Variants in NCAPD3 observed in about 807,000 individuals in gnomAD.
The protein encoded by NCAPD3 is condensin-2 complex subunit D3.
A neutral mutation model predicts 182.9 loss-of-function variants in NCAPD3; 105 were observed. That is an observed-to-expected ratio of 0.57 (90% CI 0.49 to 0.68). The LOEUF is 0.68. NCAPD3 is among the 30% of genes least tolerant of loss of function. The probability of loss-of-function intolerance (pLI) is 0.00; values close to 1 mark genes in which losing one functional copy is unlikely to be tolerated. For synonymous variants in NCAPD3, 815 were observed against 679.9 expected (o/e 1.20, Z -3.09); for missense variants, 1,944 against 1,837.0 (o/e 1.06, Z -1.07).
At chr11:134,224,002 T>C, upstream of NCAPD3, 8 of 1,538,944 alleles carry the variant, frequency 5.2e-6, no homozygotes, top group Non-Finnish European at 7.1e-6. Context: ...GAGTCGTTCC[T>C]GTGGACCAAT....
At chr11:134,154,501 G>A (rs1056795975) in intron 32 of NCAPD3, among the ~76,000 whole-genome samples, 2 of 121,002 alleles carry the variant, frequency 1.7e-5, no homozygotes, top group Non-Finnish European at 3.3e-5. Flanking sequence ...CGCCCCATCT[G>A]CCTACACATG....
rs998502328 is a variant in NCAPD3 at position 134,196,645 on chromosome 11, C to CAA, written c.1616-1909_1616-1908dup. On this transcript the variant is annotated intron_variant, in intron 13 of 34. Transcript: ENST00000534548. Reference sequence around the variant, plus strand: ...GGACAACAACAGCGAAACTCCATCTCAAAAAAAAAAAAAAAAAGAAAAGAA... The same window carrying CAA: ...GGACAACAACAGCGAAACTCCATCTCAAAAAAAAAAAAAAAAAAAGAAAAGAA... Among the ~76,000 whole-genome samples, 81 of 57,834 alleles carry CAA rather than the reference C, an allele frequency of 1.4e-3. 1 individual carries two copies. The highest frequency in any genetic ancestry group is 2.4e-3 in the African/African-American group (34 of 13,910). The allele number at this position is 57,834 out of a possible 152,430, so 37.9% of individuals were successfully genotyped here.
chr11:134,152,790 G>C lies in NCAPD3; in HGVS notation c.*154C>G. On this transcript the variant is annotated 3_prime_UTR_variant, in exon 35 of 35. Transcript: ENST00000534548. ...ACCAAATACATCATACAGAATAGAA[G>C]GTGAGTGCCAGGCCCCTGAGGAGGA... The C allele has an allele frequency of 1.6e-6, 1 of 614,446 alleles. No homozygotes were observed. The allele number at this position is 614,446 out of a possible 1,614,324, so 38.1% of individuals were successfully genotyped here.
chr11:134,163,754 C>T (rs1358982213), intron 27 of NCAPD3, among the ~76,000 whole-genome samples: 4 of 148,422 alleles, frequency 2.7e-5, no homozygotes, highest in African/African-American at 9.9e-5. Flanking sequence ...GGCCTGTAGT[C>T]CCAGCTACTC....
In NCAPD3 at chr11:134,184,771, C is replaced by T; in HGVS notation, c.2336-19G>A. On this transcript the variant is annotated intron_variant, in intron 18 of 34. Transcript: ENST00000534548. ...ACAGCATCTATGAAGGAAGTCAAAACCCCTGAAGTTCAACTGCTTAAATAT... is the reference window on the plus strand; with the variant it reads ...ACAGCATCTATGAAGGAAGTCAAAATCCCTGAAGTTCAACTGCTTAAATAT... 6.3e-7 allele frequency: 1 copy of T among 1,582,068 alleles called. No homozygotes were observed. Among genetic ancestry groups the T allele is most frequent in the Non-Finnish European group, 8.7e-7 (1 of 1,152,650 alleles).
chr11:134,193,600 A>G (rs184974284), intron 15 of NCAPD3, among the ~76,000 whole-genome samples: 3 of 152,302 alleles, frequency 2.0e-5, no homozygotes, highest in Admixed American at 2.0e-4. Context: ...TAAAAATACA[A>G]AAATTAGCCA....
chr11:134,215,693 TA>T (rs1301051728), intron 3 of NCAPD3, among the ~76,000 whole-genome samples: 1 of 152,230 alleles, frequency 6.6e-6, no homozygotes, highest in Non-Finnish European at 1.5e-5. Flanking sequence ...TTAGAAGACC[TA>T]ATGTTGTTAA....
chr11:134,211,665 A>G (rs1937836433), intron 3 of NCAPD3, among the ~76,000 whole-genome samples: 1 of 152,212 alleles, frequency 6.6e-6, no homozygotes, highest in South Asian at 2.1e-4. Flanking sequence ...TCAAGAATTA[A>G]AAGTAAAACA....
chr11:134,196,959 G>C (rs1249109540), intron 13 of NCAPD3, among the ~76,000 whole-genome samples: 2 of 152,160 alleles, frequency 1.3e-5, no homozygotes, highest in Non-Finnish European at 2.9e-5. Context: ...GTAACACCCA[G>C]TGCTGGAGGC....
chr11:134,160,943 TTTTG>T (rs1438060238), intron 28 of NCAPD3, among the ~76,000 whole-genome samples: 4 of 149,844 alleles, frequency 2.7e-5, no homozygotes, highest in East Asian at 1.9e-4. Context: ...AAAGCTCTGT[TTTTG>T]TTTTTTTTTT....
At chr11:134,222,353 T>A (rs1196884101) in intron 1 of NCAPD3, among the ~76,000 whole-genome samples, 1 of 152,232 alleles carries the variant, frequency 6.6e-6, no homozygotes, top group Non-Finnish European at 1.5e-5. Context: ...TAAAGATGAA[T>A]ACTAGAGGGT....
At chr11:134,213,244 G>T (rs1484832932) in intron 3 of NCAPD3, among the ~76,000 whole-genome samples, 1 of 152,170 alleles carries the variant, frequency 6.6e-6, no homozygotes, top group Admixed American at 6.5e-5. Context: ...TGGAGGCTGA[G>T]GAGCCCAGGA....
chr11:134,163,470 C>G (rs1263528271), intron 27 of NCAPD3, among the ~76,000 whole-genome samples: 1 of 151,862 alleles, frequency 6.6e-6, no homozygotes, highest in Non-Finnish European at 1.5e-5. Flanking sequence ...AAGGCCGAGG[C>G]GGGCAGATCA....
At chr11:134,219,329 G>A (rs943510377) in intron 2 of NCAPD3, among the ~76,000 whole-genome samples, 2 of 152,160 alleles carry the variant, frequency 1.3e-5, no homozygotes, top group Admixed American at 1.3e-4. Context: ...GTGGTTCGTA[G>A]AATATTTCCA....
At position 134,182,473 on chromosome 11, in the gene NCAPD3, T is replaced by C. The variant is rs547892370; in HGVS notation, c.2452-1289A>G. 4.6e-5 allele frequency among the ~76,000 whole-genome samples: 7 copies of C among 152,328 alleles called. No individual in the cohort carries two copies. The South Asian group carries it at 1.4e-3, about 32-fold the overall frequency. On this transcript the variant is annotated intron_variant, in intron 19 of 34. Coordinates refer to ENST00000534548, the MANE Select transcript of NCAPD3 (RefSeq NM_015261.3). The stretch of plus-strand genomic sequence containing the variant: ...TAGGCAGCCTACCGTCCCCAACCCT[T>C]CCCTTCTCCATGCTAAAGACTCCAG...
In NCAPD3 at chr11:134,164,411, G is replaced by A. The variant is rs75251976; in HGVS notation, c.3574-2520C>T. 1.6e-3 allele frequency among the ~76,000 whole-genome samples: 242 copies of A among 152,364 alleles called. 1 individual carries two copies. Among genetic ancestry groups the A allele is most frequent in the African/African-American group, 5.5e-3 (230 of 41,594 alleles). The stretch of plus-strand genomic sequence containing the variant: ...TCAGGCTCATGAGAAATGCTGGAGT[G>A]GGAAACAGGTTTGAGAATTGTCACC... On this transcript the variant is annotated intron_variant, in intron 27 of 34. Transcript: ENST00000534548.
In NCAPD3 at chr11:134,181,320, C is replaced by T. The variant is rs1944292059; in HGVS notation, c.2452-136G>A. ...GGTGCTTCCTAGCTTTCCTCTTTCCCACAATTTGTCCAAAACCACAATGAC... is the reference window on the plus strand; with the variant it reads ...GGTGCTTCCTAGCTTTCCTCTTTCCTACAATTTGTCCAAAACCACAATGAC... On this transcript the variant is annotated intron_variant, in intron 19 of 34. Coordinates refer to ENST00000534548, the MANE Select transcript of NCAPD3 (RefSeq NM_015261.3). The T allele has an allele frequency of 6.7e-6, 4 of 601,264 alleles. No homozygotes were observed. The South Asian group carries it at 6.8e-5, about 10-fold the overall frequency. 37.2% of individuals were successfully genotyped at this position (601,264 alleles called of 1,614,324 possible).
At chr11:134,187,130 C>A (rs916337239) in intron 16 of NCAPD3, among the ~76,000 whole-genome samples, 1 of 152,172 alleles carries the variant, frequency 6.6e-6, no homozygotes, top group Admixed American at 6.5e-5. Flanking sequence ...CCATTCCCCA[C>A]CTGGGCAGAC....
In NCAPD3 at chr11:134,178,671, C is replaced by T; in HGVS notation, c.2745G>A (p.Met915Ile). 1 of 1,593,530 alleles carries T rather than the reference C, an allele frequency of 6.3e-7. No individual in the cohort carries two copies. The highest frequency in any genetic ancestry group is 8.6e-7 in the Non-Finnish European group (1 of 1,168,980). The change falls in exon 22 of 35, where the codon ATG becomes ATA. Residue 915 changes from methionine to isoleucine, a missense_variant. Met to Ile is a conservative substitution (Grantham distance 10). This residue lies in a region of NCAPD3 where 1,803 missense variants were observed against 1,674.6 expected (regional missense o/e 1.08). Coordinates refer to ENST00000534548, the MANE Select transcript of NCAPD3 (RefSeq NM_015261.3). ...QPPPQVRGSVMPSVIRAHAII... is the reference protein window; with the variant it reads ...QPPPQVRGSVIPSVIRAHAII... ...TGGCATGTGCTCTAATCACAGAGGG[C>T]ATGACAGAACCTCTGACCTGGGGGG...
Sources: gnomAD v4.1 joint callset for allele counts (sites outside exome capture counted in the v4.1 genomes callset) on GRCh38, gnomAD v4.1.1 for gene constraint, gnomAD v4.1.1 regional missense constraint, MANE v1.5 for transcripts, NCBI Gene and HGNC (gene_info 2026-07-23, HGNC 2026-07-21) for gene names.